Variants in ROR2 observed in about 807,000 individuals in gnomAD.
ROR2 encodes ROR family WNT receptor 2.
In ROR2, 33 loss-of-function variants were observed where a neutral mutation model predicts 74.9. That is an observed-to-expected ratio of 0.44 (90% confidence interval 0.33 to 0.59). The LOEUF (loss-of-function observed/expected upper bound fraction) is 0.59. ROR2 is among the 20% of genes least tolerant of loss of function. ROR2 has a pLI of 0.02. For synonymous variants in ROR2, 586 were observed against 558.7 expected (o/e 1.05, Z -0.69); for missense variants, 1,216 against 1,313.8 (o/e 0.93, Z 1.15).
In ROR2 at chr9:91,733,175, G is replaced by C. The variant is rs753368779; in HGVS notation, c.884C>G (p.Pro295Arg). ...AATGCGCATGCAGTTGGCAGCGTCG[G>C]GGCTCTCAGGCATGGGCAGCGCCTC... Reference protein sequence around the residue: ...KCEALPMPESPDAANCMRIGI... With the variant: ...KCEALPMPESRDAANCMRIGI... Residue 295 changes from proline (P) to arginine (R), a missense_variant, in exon 6 of 9, where the codon CCC becomes CGC. Coordinates refer to ENST00000375708, the MANE Select transcript of ROR2 (RefSeq NM_004560.4). This position sits in a 1 kb window ranked among gnomAD's most constrained non-coding sequence, Gnocchi z 5.7. 3 of 1,608,918 alleles carry C rather than the reference G, an allele frequency of 1.9e-6. No individual in the cohort carries two copies. The highest frequency in any genetic ancestry group is 4.5e-5 in the East Asian group (2 of 44,740).
chr9:91,908,786 A>G (rs1372230597), intron 1 of ROR2, among the ~76,000 whole-genome samples: 1 of 152,234 alleles, frequency 6.6e-6, no homozygotes, highest in Non-Finnish European at 1.5e-5. Flanking sequence ...AAACAGCACT[A>G]AGATTTCAAG....
intron 1 of ROR2, among the ~76,000 whole-genome samples, chr9:91,890,434 ATAAG>A (rs1048907945): frequency 3.3e-5 from 5 of 152,220 alleles, no homozygotes; most frequent in Middle Eastern, 3.2e-3. Context: ...AACAACAAAC[ATAAG>A]TAAGTGTTAT....
chr9:91,856,174 T>C (rs7871170), intron 1 of ROR2, among the ~76,000 whole-genome samples: 6,211 of 152,174 alleles, frequency 0.041, 180 homozygotes, highest in East Asian at 0.097. Flanking sequence ...CTGGGCAACA[T>C]GGCAAGACCC....
intron 1 of ROR2, among the ~76,000 whole-genome samples, chr9:91,932,502 CA>C (rs11419147): frequency 0.053 from 7,747 of 147,032 alleles, 234 homozygotes; most frequent in African/African-American, 0.085. Context: ...ACTAAAAATA[CA>C]AAAAAAAAAA....
At chr9:91,826,394 AAAC>A (rs762590275) in intron 1 of ROR2, among the ~76,000 whole-genome samples, 252 of 152,318 alleles carry the variant, frequency 1.7e-3, no homozygotes, top group Non-Finnish European at 2.9e-3. Flanking sequence ...GTTCCTTAAA[AAAC>A]AACAACAACA....
chr9:91,731,028 G>A lies in ROR2; in HGVS notation c.1065C>T (p.Phe355=), dbSNP rs2118684052. The stretch of plus-strand genomic sequence containing the variant: ...AGGCGTGCCCCCCTCCAAGCTCAGG[G>A]AAGTCTGTGCTGGACAGGTGGTGGC... ...PHSHHLSSTD[F]PELGGGHAYC... Residue 355 remains phenylalanine, a synonymous_variant, in exon 7 of 9, where the codon TTC becomes TTT. Transcript: ENST00000375708. 1 of 1,614,184 alleles carries A rather than the reference G, an allele frequency of 6.2e-7. No homozygotes were observed. The highest frequency in any genetic ancestry group is 1.7e-5 in the Admixed American group (1 of 60,028).
intron 1 of ROR2, among the ~76,000 whole-genome samples, chr9:91,889,140 G>A (rs1399397198): frequency 1.3e-5 from 2 of 152,180 alleles, no homozygotes; most frequent in African/African-American, 2.4e-5. Flanking sequence ...ACCAGTAAGA[G>A]GATTCCACAG....
At chr9:91,938,644 T>G (rs767193382) in intron 1 of ROR2, among the ~76,000 whole-genome samples, 24 of 152,140 alleles carry the variant, frequency 1.6e-4, no homozygotes, top group Non-Finnish European at 3.5e-4. Flanking sequence ...GGGGATCTTA[T>G]TCTAGAGATT....
chr9:91,753,088 C>G (rs1390231434), intron 4 of ROR2, among the ~76,000 whole-genome samples: 3 of 152,176 alleles, frequency 2.0e-5, no homozygotes, highest in Non-Finnish European at 4.4e-5. Context: ...TCTCACCAAA[C>G]TGACCTAAAA....
chr9:91,897,725 C>T (rs954786753), intron 1 of ROR2, among the ~76,000 whole-genome samples: 6 of 152,188 alleles, frequency 3.9e-5, no homozygotes, highest in Admixed American at 2.0e-4. Context: ...TGCCTCACTC[C>T]AAGCCTCACC....
At chr9:91,837,781 T>C (rs1309837656) in intron 1 of ROR2, among the ~76,000 whole-genome samples, 2 of 152,204 alleles carry the variant, frequency 1.3e-5, no homozygotes, top group East Asian at 3.8e-4. Context: ...ATTTGGCAAG[T>C]AGAAAAAAAT....
intron 1 of ROR2, among the ~76,000 whole-genome samples, chr9:91,858,247 C>T (rs962101776): frequency 6.6e-6 from 1 of 152,212 alleles, no homozygotes; most frequent in Non-Finnish European, 1.5e-5. Flanking sequence ...GCTGGCAGCT[C>T]ACCTGGGCCA....
chr9:91,794,808 C>A (rs772710469), intron 1 of ROR2, among the ~76,000 whole-genome samples: 8 of 152,016 alleles, frequency 5.3e-5, no homozygotes, highest in Non-Finnish European at 1.0e-4. Flanking sequence ...TTCTCTAGTT[C>A]TCTAAAAATT....
chr9:91,800,265 C>T (rs1827331030), intron 1 of ROR2, among the ~76,000 whole-genome samples: 1 of 151,968 alleles, frequency 6.6e-6, no homozygotes, highest in African/African-American at 2.4e-5. Context: ...TCGCTTGAAC[C>T]CGGGAGGCGG....
At chr9:91,768,007 C>A (rs1826113736) in intron 2 of ROR2, among the ~76,000 whole-genome samples, 2 of 152,166 alleles carry the variant, frequency 1.3e-5, no homozygotes, top group Non-Finnish European at 2.9e-5. Flanking sequence ...CAACACTGTC[C>A]TTACAGGAAG....
At chr9:91,893,535 G>A (rs1468609317) in intron 1 of ROR2, among the ~76,000 whole-genome samples, 1 of 152,022 alleles carries the variant, frequency 6.6e-6, no homozygotes, top group Non-Finnish European at 1.5e-5. Context: ...GCAGGCTGGT[G>A]ACTCTCCCAA....
chr9:91,837,314 G>C (rs12003585), intron 1 of ROR2, among the ~76,000 whole-genome samples: 6,784 of 152,124 alleles, frequency 0.045, 190 homozygotes, highest in East Asian at 0.096. Flanking sequence ...CCTCATGATC[G>C]GCCCGCCTCA....
At chr9:91,814,847 G>A (rs143085553) in intron 1 of ROR2, among the ~76,000 whole-genome samples, 18 of 152,312 alleles carry the variant, frequency 1.2e-4, no homozygotes, top group East Asian at 1.9e-4. Flanking sequence ...CCCATGGGCC[G>A]TGGAACGTAA....
chr9:91,799,769 C>G (rs1029886737), intron 1 of ROR2, among the ~76,000 whole-genome samples: 1 of 152,168 alleles, frequency 6.6e-6, no homozygotes, highest in Non-Finnish European at 1.5e-5. Flanking sequence ...TCTAATTTTT[C>G]CACCTCTCAC....
Sources: allele counts gnomAD v4.1 joint callset (sites outside exome capture counted in the v4.1 genomes callset), GRCh38; gene constraint gnomAD v4.1.1; non-coding constraint Gnocchi (gnomAD v3.1); transcripts MANE v1.5; gene names NCBI Gene and HGNC (gene_info 2026-07-23, HGNC 2026-07-21).